NEBL: variants seen among roughly 807,000 people sequenced by gnomAD.
NEBL encodes the protein nebulette.
A neutral mutation model predicts 140.2 loss-of-function variants in NEBL; 122 were observed. The ratio of observed to expected loss-of-function variants is 0.87; its 90% CI spans 0.75 to 1.01. The LOEUF (loss-of-function observed/expected upper bound fraction) is 1.01. NEBL is among the 50% of genes least tolerant of loss of function. The pLI is 0.00. For missense variants in NEBL, 1,365 were observed against 1,231.3 expected (o/e 1.11, Z -1.62); for synonymous variants, 436 against 398.9 (o/e 1.09, Z -1.11).
chr10:21,185,487 CTTTTTTTTTTTTTTTTT>C (rs10612676), intron 3 of NEBL, among the ~76,000 whole-genome samples: 109 of 72,084 alleles, frequency 1.5e-3, no homozygotes, highest in African/African-American at 6.6e-3. Flanking sequence ...ATTTTCTTTC[CTTTTTTTTTTTTTTTTT>C]TTTTTTTTTT....
intron 20 of NEBL, chr10:20,819,141 T>C: frequency 1.1e-6 from 1 of 901,132 alleles, no homozygotes; most frequent in South Asian, 2.0e-5. Flanking sequence ...TGGGAGTTTG[T>C]TGTACAGATG....
intron 3 of NEBL, among the ~76,000 whole-genome samples, chr10:20,997,299 A>C (rs1254640316): frequency 6.6e-6 from 1 of 152,036 alleles, no homozygotes; most frequent in Non-Finnish European, 1.5e-5. Context: ...AGCCAGTAAC[A>C]GTCCCTGTTA....
chr10:20,805,018 G>T (rs1192791366), intron 26 of NEBL, among the ~76,000 whole-genome samples: 3 of 152,090 alleles, frequency 2.0e-5, no homozygotes, highest in African/African-American at 7.2e-5. Context: ...CTGACATAAG[G>T]GTAGCAACAA....
intron 4 of NEBL, among the ~76,000 whole-genome samples, chr10:20,925,829 C>G (rs756831344): frequency 2.0e-5 from 3 of 152,044 alleles, no homozygotes; most frequent in Non-Finnish European, 4.4e-5. Context: ...CTCTAATTAA[C>G]GACATTTTGG....
At chr10:21,100,784 C>A (rs550101669) in intron 2 of NEBL, among the ~76,000 whole-genome samples, 1 of 152,174 alleles carries the variant, frequency 6.6e-6, no homozygotes, top group South Asian at 2.1e-4. Flanking sequence ...CCGTTTCTTC[C>A]CTGTGAAAAA....
intron 3 of NEBL, among the ~76,000 whole-genome samples, chr10:21,199,761 A>G (rs1180132701): frequency 6.6e-6 from 1 of 152,190 alleles, no homozygotes; most frequent in Non-Finnish European, 1.5e-5. Flanking sequence ...TGGCCAGAGA[A>G]ATCTACCCTC....
At chr10:20,905,049 A>G (rs974426077) in intron 4 of NEBL, among the ~76,000 whole-genome samples, 3 of 152,382 alleles carry the variant, frequency 2.0e-5, no homozygotes, top group Middle Eastern at 6.8e-3. Context: ...AATATCACAC[A>G]TTAAAATGGG....
intron 4 of NEBL, among the ~76,000 whole-genome samples, chr10:20,932,531 G>A (rs1044852754): frequency 6.6e-6 from 1 of 152,156 alleles, no homozygotes; most frequent in African/African-American, 2.4e-5. Flanking sequence ...CATGGCACAT[G>A]TATACCTATG....
chr10:21,179,475 C>T (rs1037915390), upstream of NEBL, among the ~76,000 whole-genome samples: 28 of 151,134 alleles, frequency 1.9e-4, no homozygotes, highest in African/African-American at 6.3e-4. Flanking sequence ...CAATCAATGA[C>T]CCCCCGCTCC....
At chr10:20,980,321 T>TG (rs1189806857) in intron 3 of NEBL, among the ~76,000 whole-genome samples, 1 of 151,872 alleles carries the variant, frequency 6.6e-6, no homozygotes, top group African/African-American at 2.4e-5. Flanking sequence ...AAAAAGTTTT[T>TG]TTTGTTCCAG....
chr10:20,952,376 G>T (rs1403445557), intron 4 of NEBL, among the ~76,000 whole-genome samples: 1 of 149,060 alleles, frequency 6.7e-6, no homozygotes, highest in Non-Finnish European at 1.5e-5. Context: ...GGCAGAGGTT[G>T]CCATGAGCCG....
chr10:21,256,741 G>A (rs1206631736), intron 1 of NEBL, among the ~76,000 whole-genome samples: 1 of 152,176 alleles, frequency 6.6e-6, no homozygotes, highest in African/African-American at 2.4e-5. Flanking sequence ...TGATACAGGA[G>A]GATCCAGAAA....
In NEBL at chr10:20,892,415, G is replaced by A. The variant is rs1004048788; in HGVS notation, c.154-2466C>T. Among the ~76,000 whole-genome samples, 4 of 152,186 alleles carry A rather than the reference G, an allele frequency of 2.6e-5. No homozygotes were observed. In the East Asian group the frequency reaches 5.8e-4, roughly 22 times the overall value. ...CATACTAATGACGACAGAATAGAAG[G>A]AAAGGAGCCTGGGAGACTGATAACA... On this transcript the variant is annotated intron_variant, in intron 2 of 27. Transcript: ENST00000377122.
At chr10:21,028,800 A>C (rs996277199) in intron 2 of NEBL, among the ~76,000 whole-genome samples, 1 of 152,180 alleles carries the variant, frequency 6.6e-6, no homozygotes, top group African/African-American at 2.4e-5. Context: ...AGACAGAGAG[A>C]AAAAGCATAG....
intron 3 of NEBL, among the ~76,000 whole-genome samples, chr10:21,193,242 C>G (rs1263654001): frequency 6.6e-6 from 1 of 152,126 alleles, no homozygotes; most frequent in Non-Finnish European, 1.5e-5. Context: ...GACCTGGAAG[C>G]TACAGCAGCC....
At chr10:20,953,684 A>G (rs1835627364) in intron 4 of NEBL, among the ~76,000 whole-genome samples, 1 of 152,128 alleles carries the variant, frequency 6.6e-6, no homozygotes, top group South Asian at 2.1e-4. Context: ...GTCACTGAAT[A>G]TTTAAGGAGC....
Position 20,866,130 on chromosome 10 carries a change from G to A in NEBL, c.684+2534C>T, listed in dbSNP as rs539844621. Among the ~76,000 whole-genome samples the A allele has an allele frequency of 1.6e-4, 24 of 152,154 alleles. No individual in the cohort carries two copies. In the South Asian group the frequency reaches 5.0e-3, roughly 32 times the overall value. ...AAGTAGTTCTGATGTTTACTTTTTG[G>A]AATTGAACCCTAAAATGCTTCCTAT... On this transcript the variant is annotated intron_variant, in intron 7 of 27. Coordinates refer to ENST00000377122, the MANE Select transcript of NEBL (RefSeq NM_006393.3).
chr10:21,208,794 C>G (rs1217165559), intron 3 of NEBL, among the ~76,000 whole-genome samples: 1 of 151,832 alleles, frequency 6.6e-6, no homozygotes, highest in African/African-American at 2.4e-5. Context: ...TACAACCCCA[C>G]TTAACTGCAG....
At chr10:21,161,310 T>C (rs1212738310) in intron 2 of NEBL, among the ~76,000 whole-genome samples, 1 of 151,926 alleles carries the variant, frequency 6.6e-6, no homozygotes, top group East Asian at 1.9e-4. Context: ...GGGATTACAG[T>C]CTTGAGCCAC....
Sources: allele counts gnomAD v4.1 joint callset (sites outside exome capture counted in the v4.1 genomes callset), GRCh38; gene constraint gnomAD v4.1.1; transcripts MANE v1.5; gene names NCBI Gene and HGNC (gene_info 2026-07-23, HGNC 2026-07-21).